The following FGF14 variants were observed in gnomAD, a reference collection of about 807,000 sequenced individuals.
FGF14 encodes fibroblast growth factor homologous factor 4.
Under a neutral mutation model 25.5 loss-of-function variants are expected in FGF14, and 5 were observed. The observed-to-expected ratio is 0.20, with a 90% confidence interval of 0.10 to 0.41. The LOEUF is 0.41. Ranked by LOEUF, FGF14 falls within the 10% of genes least tolerant of loss-of-function variation. The probability of loss-of-function intolerance (pLI) is 1.00; values close to 1 mark genes in which losing one functional copy is unlikely to be tolerated. For synonymous variants in FGF14, 138 were observed against 118.3 expected (o/e 1.17, Z -1.08); for missense variants, 222 against 320.1 (o/e 0.69, Z 2.34).
intron 1 of FGF14, among the ~76,000 whole-genome samples, chr13:102,153,566 A>G (rs368411092): frequency 8.5e-5 from 13 of 152,210 alleles, no homozygotes; most frequent in African/African-American, 3.1e-4. Context: ...TAAGTAAACA[A>G]TTACCATTTT....
At chr13:101,954,116 G>C (rs2036356367) in intron 1 of FGF14, among the ~76,000 whole-genome samples, 1 of 152,186 alleles carries the variant, frequency 6.6e-6, no homozygotes, top group Admixed American at 6.5e-5. Flanking sequence ...GGTCGGATTA[G>C]GTTTTACTGC....
chr13:101,823,858 A>T (rs2984846), intron 3 of FGF14, among the ~76,000 whole-genome samples: 89,874 of 149,220 alleles, frequency 0.6, 27,197 homozygotes, highest in South Asian at 0.69. Context: ...ATTTAGTATA[A>T]ATAATTTTCA....
intron 1 of FGF14, among the ~76,000 whole-genome samples, chr13:102,031,977 T>G (rs1020954670): frequency 9.9e-5 from 15 of 152,148 alleles, no homozygotes; most frequent in African/African-American, 3.6e-4. Flanking sequence ...AATCTGTTCA[T>G]TAGCCTCCTG....
intron 1 of FGF14, among the ~76,000 whole-genome samples, chr13:102,203,298 C>T (rs959330777): frequency 1.3e-5 from 2 of 152,148 alleles, no homozygotes; most frequent in Non-Finnish European, 2.9e-5. Flanking sequence ...TTTGTAAATA[C>T]ATAGTCATAA....
At chr13:101,933,031 A>G (rs1188323908) in intron 1 of FGF14, among the ~76,000 whole-genome samples, 1 of 152,152 alleles carries the variant, frequency 6.6e-6, no homozygotes, top group African/African-American at 2.4e-5. Flanking sequence ...TTTTTGTCAT[A>G]ATTTTTCACT....
chr13:102,038,769 T>C (rs1415174740), intron 1 of FGF14, among the ~76,000 whole-genome samples: 5 of 152,112 alleles, frequency 3.3e-5, no homozygotes, highest in Non-Finnish European at 4.4e-5. Context: ...TAATATTTTA[T>C]ATTTAAATGA....
At chr13:102,049,494 G>T (rs2042127784) in intron 1 of FGF14, among the ~76,000 whole-genome samples, 1 of 152,052 alleles carries the variant, frequency 6.6e-6, no homozygotes, top group African/African-American at 2.4e-5. Context: ...AGACAGAATT[G>T]GATTTCCAAA....
chr13:102,378,770 C>T (rs553867764), intron 1 of FGF14, among the ~76,000 whole-genome samples: 2 of 151,988 alleles, frequency 1.3e-5, no homozygotes, highest in South Asian at 4.2e-4. Context: ...ATCTTTAACT[C>T]CAAAGTTCAT....
chr13:102,045,273 GA>G lies in FGF14; in HGVS notation c.209-169978del, dbSNP rs908411161. ...TGGAAAGGAAACTGCTATGCAGATGGAAAAAAAAAAAGCTGTAACCATAGAT... is the reference window on the plus strand; with the variant it reads ...TGGAAAGGAAACTGCTATGCAGATGGAAAAAAAAAAGCTGTAACCATAGAT... On this transcript the variant is annotated intron_variant, in intron 1 of 4. Transcript: ENST00000376131. Among the ~76,000 whole-genome samples, 464 of 142,426 alleles carry G rather than the reference GA, an allele frequency of 3.3e-3. 1 individual carries two copies. Among genetic ancestry groups the G allele is most frequent in the Middle Eastern group, 0.011 (3 of 276 alleles). 93.4% of individuals were successfully genotyped at this position (142,426 alleles called of 152,430 possible).
At chr13:102,123,860 T>A (rs2045839818) in intron 1 of FGF14, among the ~76,000 whole-genome samples, 1 of 152,160 alleles carries the variant, frequency 6.6e-6, no homozygotes, top group African/African-American at 2.4e-5. Flanking sequence ...TGTTTGACAT[T>A]AGAAGTGTTT....
intron 3 of FGF14, among the ~76,000 whole-genome samples, chr13:101,729,893 G>A (rs937222716): frequency 6.6e-6 from 1 of 152,138 alleles, no homozygotes; most frequent in African/African-American, 2.4e-5. Context: ...TGTTATGAGT[G>A]ACTTACCTAT....
chr13:102,017,412 C>T (rs2040404712), intron 1 of FGF14, among the ~76,000 whole-genome samples: 1 of 152,076 alleles, frequency 6.6e-6, no homozygotes, highest in Admixed American at 6.6e-5. Context: ...AAGCCTTTTT[C>T]CTGCAGAACT....
Position 101,714,325 on chromosome 13 carries a change from C to T in FGF14, c.*8506G>A, listed in dbSNP as rs2034617276. On this transcript the variant is annotated 3_prime_UTR_variant, in exon 5 of 5. Transcript: ENST00000376143. ...AAACCAGCCATTCAATACACTTTTA[C>T]CTTTGGATGATGGGTTATTAGAAGC... The T allele has an allele frequency of 5.5e-6, 4 of 725,144 alleles. No homozygotes were observed. The highest frequency in any genetic ancestry group is 4.0e-5 in the Admixed American group (2 of 49,944). The allele number at this position is 725,144 out of a possible 1,614,324, so 44.9% of individuals were successfully genotyped here. A position where few individuals can be genotyped will look rare whatever the true frequency, so the allele number is the denominator to read the frequency against.
intron 3 of FGF14, among the ~76,000 whole-genome samples, chr13:101,825,333 C>A (rs1405558757): frequency 1.3e-5 from 2 of 152,156 alleles, no homozygotes; most frequent in African/African-American, 2.4e-5. Flanking sequence ...CATCTGGCAT[C>A]AGAAGTAAAG....
chr13:102,306,719 C>A (rs2055402176), intron 1 of FGF14, among the ~76,000 whole-genome samples: 1 of 152,190 alleles, frequency 6.6e-6, no homozygotes, highest in African/African-American at 2.4e-5. Context: ...CATACCTACT[C>A]TCAAAGTGTT....
chr13:102,072,460 A>G (rs142703264), intron 1 of FGF14, among the ~76,000 whole-genome samples: 174 of 152,370 alleles, frequency 1.1e-3, no homozygotes, highest in African/African-American at 3.9e-3. Context: ...GTAGCAATTA[A>G]TAGCCCAAAG....
chr13:102,357,024 A>G (rs1283315196), intron 1 of FGF14, among the ~76,000 whole-genome samples: 1 of 151,472 alleles, frequency 6.6e-6, no homozygotes, highest in African/African-American at 2.4e-5. Flanking sequence ...GTTAAAAGAG[A>G]CTATTGCTAG....
chr13:102,380,689 T>G (rs1360475748), intron 1 of FGF14, among the ~76,000 whole-genome samples: 1 of 152,176 alleles, frequency 6.6e-6, no homozygotes, highest in Non-Finnish European at 1.5e-5. Context: ...CCAGGATAAA[T>G]TTAAATACAA....
intron 3 of FGF14, among the ~76,000 whole-genome samples, chr13:101,741,394 C>G (rs1327721304): frequency 6.6e-6 from 1 of 152,142 alleles, no homozygotes; most frequent in Non-Finnish European, 1.5e-5. Flanking sequence ...AGGAGACTAT[C>G]AGCTTACTAA....
Sources: gnomAD v4.1 joint callset for allele counts (sites outside exome capture counted in the v4.1 genomes callset) on GRCh38, gnomAD v4.1.1 for gene constraint, MANE v1.5 for transcripts, NCBI Gene and HGNC (gene_info 2026-07-23, HGNC 2026-07-21) for gene names.